Variants in ARL15 observed in about 807,000 individuals in gnomAD.
ARL15 encodes the protein ADP-ribosylation factor-like protein 15.
ARL15 carries 19 observed loss-of-function variants against 25.2 expected under a neutral mutation model. The observed-to-expected ratio is 0.75, with a 90% confidence interval of 0.53 to 1.10. The LOEUF (loss-of-function observed/expected upper bound fraction) is 1.10. Among genes scored for constraint, ARL15 ranks in the 50% least tolerant of loss-of-function variants. The pLI is 0.00. For missense variants in ARL15, 220 were observed against 246.0 expected, an observed-to-expected ratio of 0.89 and a Z score of 0.71; for synonymous variants, 94 against 86.8, an observed-to-expected ratio of 1.08 and a Z score of -0.46.
intron 4 of ARL15, among the ~76,000 whole-genome samples, chr5:53,998,429 T>G (rs984910664): frequency 2.0e-4 from 31 of 152,302 alleles, no homozygotes; most frequent in Non-Finnish European, 3.4e-4. Flanking sequence ...CACATCTCTT[T>G]CCTTCCTTCT....
chr5:54,084,521 C>A (rs1243179349), intron 4 of ARL15, among the ~76,000 whole-genome samples: 1 of 151,944 alleles, frequency 6.6e-6, no homozygotes, highest in African/African-American at 2.4e-5. Context: ...CTCTGTCTAC[C>A]CTTTCTCCTC....
At chr5:54,043,160 G>C (rs1243551465) in intron 4 of ARL15, among the ~76,000 whole-genome samples, 1 of 151,756 alleles carries the variant, frequency 6.6e-6, no homozygotes, top group Non-Finnish European at 1.5e-5. Context: ...CAATTCCCAA[G>C]GCTGAATTAT....
intron 4 of ARL15, among the ~76,000 whole-genome samples, chr5:53,925,682 C>T (rs1005272194): frequency 2.0e-5 from 3 of 151,964 alleles, no homozygotes; most frequent in Non-Finnish European, 2.9e-5. Flanking sequence ...GTGGCATGTG[C>T]CTGTAGTTCT....
At chr5:53,982,355 G>T (rs1748152158) in intron 4 of ARL15, among the ~76,000 whole-genome samples, 1 of 120,504 alleles carries the variant, frequency 8.3e-6, no homozygotes, top group African/African-American at 3.5e-5. Flanking sequence ...CCCCTGACAG[G>T]CACCAGTATG....
intron 3 of ARL15, among the ~76,000 whole-genome samples, chr5:54,122,428 C>G (rs1435361858): frequency 6.6e-6 from 1 of 152,250 alleles, no homozygotes; most frequent in Non-Finnish European, 1.5e-5. Flanking sequence ...TGTGCACGTG[C>G]ATGCGTGCGC....
intron 1 of ARL15, among the ~76,000 whole-genome samples, chr5:54,304,205 G>T (rs1333808356): frequency 6.6e-6 from 1 of 152,228 alleles, no homozygotes; most frequent in East Asian, 1.9e-4. Flanking sequence ...ACTACTTGTA[G>T]GTGGAAGGCA....
chr5:53,899,788 T>C (rs1745003686), intron 4 of ARL15, among the ~76,000 whole-genome samples: 1 of 152,158 alleles, frequency 6.6e-6, no homozygotes, highest in East Asian at 1.9e-4. Context: ...TTCACAAGAG[T>C]TAATGACATA....
intron 4 of ARL15, chr5:54,067,043 G>A (rs1408360485): frequency 6.6e-6 from 1 of 152,552 alleles, no homozygotes; most frequent in Non-Finnish European, 1.5e-5. Flanking sequence ...AAATTTGGCC[G>A]TGTTTCCTCA....
chr5:54,004,296 C>G (rs1248644012), intron 4 of ARL15, among the ~76,000 whole-genome samples: 5 of 152,050 alleles, frequency 3.3e-5, no homozygotes, highest in Non-Finnish European at 7.4e-5. Context: ...AGATCGAGAC[C>G]ATCCTGGCCA....
At chr5:54,176,243 C>T (rs182604341) in intron 1 of ARL15, among the ~76,000 whole-genome samples, 9 of 152,260 alleles carry the variant, frequency 5.9e-5, no homozygotes, top group Admixed American at 2.0e-4. Context: ...AAATCACAGA[C>T]TCTTAGAAAT....
intron 1 of ARL15, among the ~76,000 whole-genome samples, chr5:54,233,467 C>T (rs1480095142): frequency 6.6e-6 from 1 of 152,156 alleles, no homozygotes; most frequent in East Asian, 1.9e-4. Flanking sequence ...CTTGTATCTG[C>T]CATCATGAAC....
intron 4 of ARL15, among the ~76,000 whole-genome samples, chr5:54,055,592 CTCAGGTGA>C (rs1296812840): frequency 6.6e-6 from 1 of 152,102 alleles, no homozygotes; most frequent in East Asian, 1.9e-4. Context: ...AACTCCTGAA[CTCAGGTGA>C]TCCACCCGTC....
chr5:54,011,936 G>C (rs1051661992), intron 4 of ARL15, among the ~76,000 whole-genome samples: 21 of 152,142 alleles, frequency 1.4e-4, no homozygotes, highest in African/African-American at 5.1e-4. Flanking sequence ...TTGAAACCAG[G>C]AGGCCAAGGT....
chr5:54,294,276 C>T (rs1423820231), intron 1 of ARL15, among the ~76,000 whole-genome samples: 5 of 152,226 alleles, frequency 3.3e-5, no homozygotes, highest in Non-Finnish European at 7.3e-5. Context: ...TCTGTTGAAA[C>T]ACAACCACAG....
rs564724103 is a variant in ARL15, at chr5:53,922,643, C to T, written c.463-35930G>A. ...AATTGTGGAGCAGCCCAAGAGGTCCCAGCGGGGAGGAAACAGGTGGCATTC... is the reference window on the plus strand; with the variant it reads ...AATTGTGGAGCAGCCCAAGAGGTCCTAGCGGGGAGGAAACAGGTGGCATTC... On this transcript the variant is annotated intron_variant, in intron 4 of 4. Transcript: ENST00000504924. Among the ~76,000 whole-genome samples, 49 of 152,298 alleles carry T rather than the reference C, an allele frequency of 3.2e-4. 1 individual carries two copies. Among genetic ancestry groups the T allele is most frequent in the Admixed American group, 2.8e-3 (43 of 15,298 alleles).
chr5:54,296,316 CTT>C (rs1220604854), intron 1 of ARL15, among the ~76,000 whole-genome samples: 2 of 152,174 alleles, frequency 1.3e-5, no homozygotes, highest in African/African-American at 4.8e-5. Context: ...ATTAGGCTCT[CTT>C]TTAAATGCTT....
intron 4 of ARL15, among the ~76,000 whole-genome samples, chr5:53,904,732 T>C (rs1260430545): frequency 7.1e-6 from 1 of 141,542 alleles, no homozygotes; most frequent in East Asian, 2.0e-4. Context: ...TATTTATTTT[T>C]AGTTCCTTTT....
intron 1 of ARL15, 122 bp downstream of exon 1, chr5:54,310,310 G>C (rs1226257205): frequency 1.0e-5 from 12 of 1,146,834 alleles, no homozygotes; most frequent in Non-Finnish European, 1.5e-5. Flanking sequence ...GGCTGCGGGA[G>C]AAAGAACCCC....
Position 54,134,686 on chromosome 5 carries a change from G to A in ARL15, c.253+19894C>T, listed in dbSNP as rs943177670. Among the ~76,000 whole-genome samples the A allele has an allele frequency of 4.3e-5, 6 of 140,956 alleles. No homozygotes were observed. The East Asian group carries it at 9.4e-4, about 22-fold the overall frequency. 92.5% of individuals were successfully genotyped at this position (140,956 alleles called of 152,430 possible). The stretch of plus-strand genomic sequence containing the variant: ...TGCAACCTCTGCCTCCCGGGTTCAA[G>A]CGATTCTCCTGCCTCAGCCTCCAGA... On this transcript the variant is annotated intron_variant, in intron 3 of 4. Transcript: ENST00000504924.
Sources: allele counts gnomAD v4.1 joint callset (sites outside exome capture counted in the v4.1 genomes callset), GRCh38; gene constraint gnomAD v4.1.1; transcripts MANE v1.5; gene names NCBI Gene and HGNC (gene_info 2026-07-23, HGNC 2026-07-21).